Variants in GPC6 observed in about 807,000 individuals in gnomAD.
GPC6 encodes the protein glypican-6.
GPC6 carries 14 observed loss-of-function variants against 55.2 expected under a neutral mutation model. That is an observed-to-expected ratio of 0.25 (90% CI 0.17 to 0.40). GPC6 has a LOEUF of 0.40. GPC6 is among the 10% of genes least tolerant of loss of function. The pLI is 1.00. For missense variants in GPC6, 641 were observed against 708.5 expected (o/e 0.90, Z 1.08); for synonymous variants, 278 against 259.6 (o/e 1.07, Z -0.68).
chr13:93,850,039 T>TA (rs1255933775), intron 3 of GPC6, among the ~76,000 whole-genome samples: 3 of 151,972 alleles, frequency 2.0e-5, no homozygotes, highest in African/African-American at 4.8e-5. Context: ...TGCCCATGAG[T>TA]AAAAAAAGGC....
chr13:94,358,696 T>C lies in GPC6; in HGVS notation c.1153-23718T>C, dbSNP rs77880285. On this transcript the variant is annotated intron_variant, in intron 6 of 8. Coordinates refer to ENST00000377047, the MANE Select transcript of GPC6 (RefSeq NM_005708.5). ...TACCTGTGTCTGTACTGAGAGCACATTGTGTGAACACCTTGGCATGGTGAC... is the reference window on the plus strand; with the variant it reads ...TACCTGTGTCTGTACTGAGAGCACACTGTGTGAACACCTTGGCATGGTGAC... 3.7e-4 allele frequency among the ~76,000 whole-genome samples: 56 copies of C among 152,308 alleles called. No individual in the cohort carries two copies. The East Asian group carries it at 7.3e-3, about 20-fold the overall frequency.
chr13:93,697,068 G>A (rs774765173), intron 2 of GPC6, among the ~76,000 whole-genome samples: 1 of 152,088 alleles, frequency 6.6e-6, no homozygotes, highest in Non-Finnish European at 1.5e-5. Context: ...AATTTGTATA[G>A]GATTGCTTGA....
intron 3 of GPC6, among the ~76,000 whole-genome samples, chr13:93,838,406 G>T (rs575104331): frequency 6.6e-6 from 1 of 152,254 alleles, no homozygotes; most frequent in African/African-American, 2.4e-5. Flanking sequence ...GAAAAAAGAG[G>T]TATGGCTTTC....
chr13:94,392,414 A>C (rs1180677021), intron 7 of GPC6, among the ~76,000 whole-genome samples: 2 of 108,134 alleles, frequency 1.8e-5, no homozygotes, highest in African/African-American at 6.9e-5. Context: ...TTCTATTTTT[A>C]ATTTTTTTTT....
chr13:93,838,773 G>A (rs2183430), intron 3 of GPC6, among the ~76,000 whole-genome samples: 50,970 of 151,650 alleles, frequency 0.34, 9,126 homozygotes, highest in African/African-American at 0.45. Flanking sequence ...TGGAAAGACC[G>A]CAGAGACCCT....
At chr13:94,065,350 A>T (rs570116488) in intron 4 of GPC6, among the ~76,000 whole-genome samples, 5 of 152,320 alleles carry the variant, frequency 3.3e-5, no homozygotes, top group South Asian at 2.1e-4. Context: ...CTATGATGAG[A>T]GTATGCTGCA....
chr13:93,546,563 T>C (rs989354014), intron 2 of GPC6, among the ~76,000 whole-genome samples: 7 of 152,216 alleles, frequency 4.6e-5, no homozygotes, highest in African/African-American at 1.7e-4. Context: ...TGTCTTTGGC[T>C]CTCCCTTGTG....
intron 3 of GPC6, among the ~76,000 whole-genome samples, chr13:93,979,590 A>G (rs908337940): frequency 2.0e-5 from 3 of 152,110 alleles, no homozygotes; most frequent in African/African-American, 7.2e-5. Flanking sequence ...GTAAGCATTT[A>G]GAAGACTTAC....
At chr13:94,155,838 T>C (rs781074320) in intron 4 of GPC6, among the ~76,000 whole-genome samples, 1 of 152,124 alleles carries the variant, frequency 6.6e-6, no homozygotes, top group African/African-American at 2.4e-5. Context: ...CCCCCACCCA[T>C]ACATGCTATT....
intron 2 of GPC6, among the ~76,000 whole-genome samples, chr13:93,585,982 G>T (rs1877181202): frequency 6.6e-6 from 1 of 151,620 alleles, no homozygotes; most frequent in Non-Finnish European, 1.5e-5. Flanking sequence ...TAACTTGTAA[G>T]TTCAAGGATA....
chr13:94,183,467 A>T (rs546111219), intron 4 of GPC6, among the ~76,000 whole-genome samples: 3 of 152,296 alleles, frequency 2.0e-5, no homozygotes, highest in African/African-American at 7.2e-5. Context: ...TCATCTGTTC[A>T]TGAAGCCTGG....
chr13:93,537,176 C>T (rs1169491433), intron 1 of GPC6, among the ~76,000 whole-genome samples: 1 of 152,136 alleles, frequency 6.6e-6, no homozygotes, highest in Non-Finnish European at 1.5e-5. Context: ...GTTGTCATAA[C>T]TTAGCAACAT....
At chr13:94,107,354 A>T (rs1886092112) in intron 4 of GPC6, among the ~76,000 whole-genome samples, 1 of 152,184 alleles carries the variant, frequency 6.6e-6, no homozygotes, top group South Asian at 2.1e-4. Flanking sequence ...CCTTGCCTTC[A>T]GGCATCTTAA....
chr13:93,365,290 C>T (rs1287716658), intron 1 of GPC6, among the ~76,000 whole-genome samples: 2 of 152,042 alleles, frequency 1.3e-5, no homozygotes, highest in East Asian at 1.9e-4. Flanking sequence ...ACTCTCCTGG[C>T]TCATTCCCTC....
At position 93,988,388 on chromosome 13, in the gene GPC6, A is replaced by G. The variant is rs1881129512; in HGVS notation, c.712-39341A>G. On this transcript the variant is annotated intron_variant, in intron 3 of 8. Coordinates refer to ENST00000377047, the MANE Select transcript of GPC6 (RefSeq NM_005708.5). ...TAGTAATGAAAAATGGCACTTCTGCAGTGTACCTTTCGGATAGGACTTCTG... is the reference window on the plus strand; with the variant it reads ...TAGTAATGAAAAATGGCACTTCTGCGGTGTACCTTTCGGATAGGACTTCTG... 2.0e-5 allele frequency among the ~76,000 whole-genome samples: 3 copies of G among 152,150 alleles called. 1 individual carries two copies. The South Asian group carries it at 6.2e-4, about 32-fold the overall frequency.
intron 4 of GPC6, among the ~76,000 whole-genome samples, chr13:94,158,978 A>G (rs1343124075): frequency 6.6e-6 from 1 of 152,114 alleles, no homozygotes; most frequent in East Asian, 1.9e-4. Context: ...CTAACCCAGT[A>G]CCACAACCCT....
chr13:93,923,497 A>AT (rs1877684749), intron 3 of GPC6, among the ~76,000 whole-genome samples: 2 of 151,676 alleles, frequency 1.3e-5, no homozygotes, highest in South Asian at 4.2e-4. Context: ...CAAAAAAAAA[A>AT]AATTTAACTA....
At chr13:94,350,617 A>G (rs1878493206) in intron 6 of GPC6, among the ~76,000 whole-genome samples, 1 of 152,170 alleles carries the variant, frequency 6.6e-6, no homozygotes, top group Non-Finnish European at 1.5e-5. Context: ...ACATAAATAC[A>G]TGAGATATGA....
intron 6 of GPC6, among the ~76,000 whole-genome samples, chr13:94,354,235 A>T (rs547496540): frequency 6.6e-6 from 1 of 152,270 alleles, no homozygotes; most frequent in South Asian, 2.1e-4. Context: ...GTCTTTATGT[A>T]AGATTTTTTC....
Sources: gnomAD v4.1 joint callset for allele counts (sites outside exome capture counted in the v4.1 genomes callset) on GRCh38, gnomAD v4.1.1 for gene constraint, MANE v1.5 for transcripts, NCBI Gene and HGNC (gene_info 2026-07-23, HGNC 2026-07-21) for gene names.